Variants in TMEM200A observed in about 807,000 individuals in gnomAD.
The protein encoded by TMEM200A is transmembrane protein 200A.
Under a neutral mutation model 24.3 loss-of-function variants are expected in TMEM200A, and 12 were observed. The observed-to-expected ratio is 0.49, with a 90% CI of 0.32 to 0.80. TMEM200A has a LOEUF of 0.80. Ranked by LOEUF, TMEM200A falls within the 30% of genes least tolerant of loss-of-function variation. The probability of loss-of-function intolerance (pLI) is 0.04; values close to 1 mark genes in which losing one functional copy is unlikely to be tolerated. For missense variants in TMEM200A, 545 were observed against 614.4 expected (o/e 0.89, Z 1.19); for synonymous variants, 224 against 224.4 (o/e 1.00, Z 0.02).
At chr6:130,422,141 A>G (rs1286216507) in intron 2 of TMEM200A, among the ~76,000 whole-genome samples, 2 of 152,162 alleles carry the variant, frequency 1.3e-5, no homozygotes, top group Non-Finnish European at 2.9e-5. Context: ...ATACTTTTTA[A>G]TAATGGCTGT....
chr6:130,375,620 T>C (rs1778437424), intron 1 of TMEM200A, among the ~76,000 whole-genome samples: 1 of 152,184 alleles, frequency 6.6e-6, no homozygotes, highest in Non-Finnish European at 1.5e-5. Flanking sequence ...TTAGATCAGA[T>C]GGTCAAGGAA....
intron 2 of TMEM200A, among the ~76,000 whole-genome samples, chr6:130,413,191 G>C (rs1167677141): frequency 6.6e-6 from 1 of 152,180 alleles, no homozygotes. Context: ...ATAATCCCAA[G>C]TTTGTATTCT....
At position 130,425,137 on chromosome 6, in the gene TMEM200A, T is replaced by C. The variant is rs1006242413; in HGVS notation, c.-16-15270T>C. On this transcript the variant is annotated intron_variant, in intron 2 of 2. Transcript: ENST00000296978. The stretch of plus-strand genomic sequence containing the variant: ...CTCAGCCCAGTAAGAGCACAGACGA[T>C]GTTGGATTCAGTGACAGATTCTGGT... Among the ~76,000 whole-genome samples, 15 of 152,116 alleles carry C rather than the reference T, an allele frequency of 9.9e-5. No individual in the cohort carries two copies. The South Asian group carries it at 1.0e-3, about 10-fold the overall frequency.
At chr6:130,429,930 C>T (rs924889099) in intron 2 of TMEM200A, among the ~76,000 whole-genome samples, 4 of 152,146 alleles carry the variant, frequency 2.6e-5, no homozygotes, top group African/African-American at 9.7e-5. Flanking sequence ...ACATTCTTCT[C>T]TGGATATAGC....
intron 1 of TMEM200A, among the ~76,000 whole-genome samples, chr6:130,368,291 G>A (rs912571388): frequency 6.6e-6 from 1 of 152,130 alleles, no homozygotes; most frequent in Non-Finnish European, 1.5e-5. Flanking sequence ...ATGACTCTTA[G>A]CATAAAGGAA....
At chr6:130,408,917 C>T (rs187220625) in intron 2 of TMEM200A, among the ~76,000 whole-genome samples, 1 of 152,116 alleles carries the variant, frequency 6.6e-6, no homozygotes, top group Non-Finnish European at 1.5e-5. Flanking sequence ...TGATCCACTG[C>T]AGCATTCACA....
intron 2 of TMEM200A, among the ~76,000 whole-genome samples, chr6:130,430,499 A>G (rs1398227367): frequency 6.6e-6 from 1 of 152,230 alleles, no homozygotes; most frequent in Non-Finnish European, 1.5e-5. Flanking sequence ...ACTAACCTGC[A>G]CAAGTAGGAG....
At chr6:130,413,575 G>A (rs148061049) in intron 2 of TMEM200A, among the ~76,000 whole-genome samples, 6 of 152,234 alleles carry the variant, frequency 3.9e-5, no homozygotes, top group South Asian at 2.1e-4. Context: ...CATGTGGTGC[G>A]TCCTGTCTTC....
chr6:130,399,017 T>A (rs557845367), intron 2 of TMEM200A, among the ~76,000 whole-genome samples: 1 of 152,138 alleles, frequency 6.6e-6, no homozygotes, highest in Admixed American at 6.6e-5. Flanking sequence ...TCTGAAAATA[T>A]ATTTATTTTT....
chr6:130,441,400 C>T lies in TMEM200A; in HGVS notation c.978C>T (p.Ser326=). 6.2e-7 allele frequency: 1 copy of T among 1,614,050 alleles called. No individual in the cohort carries two copies. Among genetic ancestry groups the T allele is most frequent in the Non-Finnish European group, 8.5e-7 (1 of 1,179,988 alleles). Residue 326 remains serine (S), a synonymous_variant, in exon 3 of 3, where the codon TCC becomes TCT. Coordinates refer to ENST00000296978, the MANE Select transcript of TMEM200A (RefSeq NM_001258277.2). ...KSRSRNLSMD[S]LVVPLPNTSE... is the part of the protein sequence containing the mutation. ...GGTCAAGGAATTTGTCAATGGATTC[C>T]CTTGTGGTTCCTTTGCCCAACACCA...
intron 2 of TMEM200A, among the ~76,000 whole-genome samples, chr6:130,414,967 A>T (rs547074903): frequency 6.6e-6 from 1 of 152,166 alleles, no homozygotes; most frequent in Admixed American, 6.6e-5. Flanking sequence ...CCACCTTTGG[A>T]TATGAAATAT....
At chr6:130,434,066 T>A (rs939801324) in intron 2 of TMEM200A, among the ~76,000 whole-genome samples, 3 of 152,234 alleles carry the variant, frequency 2.0e-5, no homozygotes, top group African/African-American at 4.8e-5. Context: ...GTTTTCCTAC[T>A]GGACTCCATA....
At position 130,366,156 on chromosome 6, in the gene TMEM200A, C is replaced by T. The variant is rs1193456094; in HGVS notation, c.-449C>T. On this transcript the variant is annotated 5_prime_UTR_variant, in exon 1 of 3. Coordinates refer to ENST00000296978, the MANE Select transcript of TMEM200A (RefSeq NM_001258277.2). The surrounding 1 kb of genome is among the most constrained non-coding windows in gnomAD (Gnocchi z 4.4). ...GCGCCCGGTGCCCTCCGAGGGCAGG[C>T]GCGCCTGGACTCTGCGCCCGGATGG... 2.0e-6 allele frequency: 2 copies of T among 985,264 alleles called. No homozygotes were observed. The highest frequency in any genetic ancestry group is 2.4e-6 in the Non-Finnish European group (2 of 829,910). 61.0% of individuals were successfully genotyped at this position (985,264 alleles called of 1,614,324 possible). A position where few individuals can be genotyped will look rare whatever the true frequency, so the allele number is the denominator to read the frequency against.
chr6:130,389,297 C>T (rs1452822170), intron 2 of TMEM200A, among the ~76,000 whole-genome samples: 4 of 152,152 alleles, frequency 2.6e-5, no homozygotes, highest in Non-Finnish European at 5.9e-5. Context: ...GTTATGGGCT[C>T]TCCTGATTTC....
intron 2 of TMEM200A, among the ~76,000 whole-genome samples, chr6:130,409,847 T>A (rs917249076): frequency 4.6e-5 from 7 of 152,090 alleles, no homozygotes; most frequent in African/African-American, 1.7e-4. Flanking sequence ...TCAGTTTTTT[T>A]TTTTTAATGA....
At chr6:130,406,049 C>A (rs537084730) in intron 2 of TMEM200A, among the ~76,000 whole-genome samples, 3 of 152,288 alleles carry the variant, frequency 2.0e-5, no homozygotes, top group South Asian at 4.1e-4. Flanking sequence ...TTAATGCATT[C>A]TTTAGGAAGG....
intron 1 of TMEM200A, among the ~76,000 whole-genome samples, chr6:130,368,830 C>T (rs1207038565): frequency 3.9e-5 from 6 of 152,234 alleles, no homozygotes; most frequent in Admixed American, 3.9e-4. Flanking sequence ...GTCATCTTGA[C>T]TGAGTCACTA....
chr6:130,436,201 C>A (rs1192228859), intron 2 of TMEM200A, among the ~76,000 whole-genome samples: 1 of 152,138 alleles, frequency 6.6e-6, no homozygotes, highest in Admixed American at 6.5e-5. Context: ...GCTCTCTTAG[C>A]CTCAGTAACC....
chr6:130,421,580 T>C (rs2115182883), intron 2 of TMEM200A, among the ~76,000 whole-genome samples: 1 of 151,926 alleles, frequency 6.6e-6, no homozygotes, highest in Non-Finnish European at 1.5e-5. Context: ...TCTTAGCAAA[T>C]TTTAAATATG....
Sources: allele counts gnomAD v4.1 joint callset (sites outside exome capture counted in the v4.1 genomes callset), GRCh38; gene constraint gnomAD v4.1.1; non-coding constraint Gnocchi (gnomAD v3.1); transcripts MANE v1.5; gene names NCBI Gene and HGNC (gene_info 2026-07-23, HGNC 2026-07-21).